TUSC3: variants seen among roughly 807,000 people sequenced by gnomAD.
The protein encoded by TUSC3 is tumor suppressor candidate 3.
TUSC3 carries 45 observed loss-of-function variants against 44.8 expected under a neutral mutation model. The observed-to-expected ratio is 1.00, with a 90% CI of 0.79 to 1.29. The LOEUF (loss-of-function observed/expected upper bound fraction) is 1.29. Ranked by LOEUF, TUSC3 falls within the 50% of genes most tolerant of loss-of-function variation. The pLI, the probability that TUSC3 is intolerant of heterozygous loss-of-function variation, is 0.00. For missense variants in TUSC3, 519 were observed against 437.9 expected (o/e 1.19, Z -1.65); for synonymous variants, 212 against 152.9 (o/e 1.39, Z -2.85).
chr8:15,704,264 T>TTC (rs1809526256), intron 6 of TUSC3, among the ~76,000 whole-genome samples: 1 of 151,076 alleles, frequency 6.6e-6, no homozygotes, highest in Non-Finnish European at 1.5e-5. Flanking sequence ...GGTTTTTTTT[T>TTC]TTTTTTTTGG....
the TUSC3 span, among the ~76,000 whole-genome samples, chr8:15,781,299 A>G: frequency 6.6e-6 from 1 of 152,198 alleles, no homozygotes; most frequent in African/African-American, 2.4e-5. Context: ...TTCCAAATGC[A>G]TCCAATAGGT....
At chr8:15,606,970 A>G (rs541990938) in intron 1 of TUSC3, among the ~76,000 whole-genome samples, 26 of 152,012 alleles carry the variant, frequency 1.7e-4, no homozygotes, top group Non-Finnish European at 3.7e-4. Flanking sequence ...CTTATAAAAC[A>G]AAGTACAATG....
the TUSC3 span, among the ~76,000 whole-genome samples, chr8:15,779,800 C>G: frequency 6.6e-6 from 1 of 152,162 alleles, no homozygotes; most frequent in East Asian, 1.9e-4. Flanking sequence ...AACTCAACAT[C>G]TACCTCTGAT....
intron 2 of TUSC3, among the ~76,000 whole-genome samples, chr8:15,484,958 A>C (rs1321007487): frequency 6.6e-6 from 1 of 152,120 alleles, no homozygotes; most frequent in African/African-American, 2.4e-5. Flanking sequence ...AACTTTGGTT[A>C]TTTTCTTCTC....
intron 2 of TUSC3, among the ~76,000 whole-genome samples, chr8:15,633,942 G>C (rs889961977): frequency 6.6e-6 from 1 of 152,108 alleles, no homozygotes; most frequent in Non-Finnish European, 1.5e-5. Context: ...CATCCCACAA[G>C]GGATGCATAA....
chr8:15,604,688 TA>T (rs1358993667), intron 1 of TUSC3, among the ~76,000 whole-genome samples: 1 of 151,834 alleles, frequency 6.6e-6, no homozygotes, highest in African/African-American at 2.4e-5. Flanking sequence ...GTTTTCTATT[TA>T]GAATGTCAAA....
intron 10 of TUSC3, among the ~76,000 whole-genome samples, chr8:15,760,022 A>C (rs116032301): frequency 0.019 from 2,943 of 152,214 alleles, 98 homozygotes; most frequent in African/African-American, 0.066. Context: ...TTCTGACTAT[A>C]ACCGAGCCTC....
In TUSC3 at chr8:15,561,300, C is replaced by G. The variant is rs180717928; in HGVS notation, c.138+20732C>G. The stretch of plus-strand genomic sequence containing the variant: ...AGTGTGCCCCTGCTGGGGGGTGCCT[C>G]CCAGTTCGGCTGCTAGGAGGTCAGG... On this transcript the variant is annotated intron_variant, in intron 1 of 10. Transcript: ENST00000503731. Among the ~76,000 whole-genome samples the G allele has an allele frequency of 1.9e-3, 284 of 148,196 alleles. 9 individuals are homozygous for G. In the East Asian group the frequency reaches 0.023, roughly 12 times the overall value.
chr8:15,622,596 A>G (rs556208641), intron 1 of TUSC3, among the ~76,000 whole-genome samples: 1 of 152,160 alleles, frequency 6.6e-6, no homozygotes, highest in East Asian at 1.9e-4. Context: ...AGTTTTTCCT[A>G]TTTTTGACTT....
At chr8:15,503,450 C>A (rs1406530067) in intron 2 of TUSC3, among the ~76,000 whole-genome samples, 4 of 152,078 alleles carry the variant, frequency 2.6e-5, no homozygotes, top group Non-Finnish European at 5.9e-5. Flanking sequence ...GGACCTTCTT[C>A]TTCTGCCCTA....
chr8:15,450,999 G>C (rs1244883727), intron 1 of TUSC3, among the ~76,000 whole-genome samples: 1 of 152,084 alleles, frequency 6.6e-6, no homozygotes, highest in Non-Finnish European at 1.5e-5. Context: ...AATCCTGCCT[G>C]AGAACTGCAG....
chr8:15,770,674 G>A (rs927239994), downstream of TUSC3, among the ~76,000 whole-genome samples: 4 of 152,244 alleles, frequency 2.6e-5, no homozygotes, highest in African/African-American at 7.2e-5. Context: ...GGCTTGACAG[G>A]AGAATAGGCA....
intron 1 of TUSC3, among the ~76,000 whole-genome samples, chr8:15,617,362 A>T (rs1174552244): frequency 1.3e-5 from 2 of 150,536 alleles, no homozygotes; most frequent in Non-Finnish European, 3.0e-5. Context: ...GTGGTCTCGA[A>T]CTCCTGACCT....
At chr8:15,716,724 C>A (rs1451907317) in intron 6 of TUSC3, among the ~76,000 whole-genome samples, 2 of 152,096 alleles carry the variant, frequency 1.3e-5, no homozygotes, top group Admixed American at 6.5e-5. Context: ...AAAAGAAAAT[C>A]ATTTTTTAAT....
At chr8:15,793,594 G>A in the TUSC3 span, among the ~76,000 whole-genome samples, 4 of 152,086 alleles carry the variant, frequency 2.6e-5, no homozygotes, top group Non-Finnish European at 5.9e-5. Flanking sequence ...TTTCTGTACA[G>A]CATTTGCCAT....
At chr8:15,546,385 C>T (rs1232433019) in intron 1 of TUSC3, among the ~76,000 whole-genome samples, 2 of 151,794 alleles carry the variant, frequency 1.3e-5, no homozygotes, top group East Asian at 1.9e-4. Context: ...GCAGATAGTA[C>T]ACAGGGATGC....
At chr8:15,791,023 C>T in the TUSC3 span, among the ~76,000 whole-genome samples, 3 of 151,984 alleles carry the variant, frequency 2.0e-5, no homozygotes, top group Non-Finnish European at 4.4e-5. Flanking sequence ...GAAGAGATTG[C>T]AGTACTCAAG....
At chr8:15,551,340 T>C (rs569302098) in intron 1 of TUSC3, among the ~76,000 whole-genome samples, 1 of 151,902 alleles carries the variant, frequency 6.6e-6, no homozygotes, top group East Asian at 1.9e-4. Flanking sequence ...AGTTTCTCTA[T>C]ATATCAAAGC....
chr8:15,465,922 T>A (rs1800407224), intron 1 of TUSC3, among the ~76,000 whole-genome samples: 1 of 152,174 alleles, frequency 6.6e-6, no homozygotes, highest in Non-Finnish European at 1.5e-5. Context: ...CCCTAGTTCA[T>A]CGTGATATAC....
Sources: gnomAD v4.1 joint callset for allele counts (sites outside exome capture counted in the v4.1 genomes callset) on GRCh38, gnomAD v4.1.1 for gene constraint, MANE v1.5 for transcripts, NCBI Gene and HGNC (gene_info 2026-07-23, HGNC 2026-07-21) for gene names.